The following CARMIL1 variants were observed in gnomAD, a reference collection of about 807,000 sequenced individuals.
CARMIL1 encodes capping protein regulator and myosin 1 linker 1, also known as F-actin-uncapping protein LRRC16A.
CARMIL1 carries 90 observed loss-of-function variants against 177.1 expected under a neutral mutation model. The observed-to-expected ratio is 0.51, with a 90% CI of 0.43 to 0.61. The LOEUF (loss-of-function observed/expected upper bound fraction) is 0.61, where lower values mean the gene tolerates loss of function less well. Ranked by LOEUF, CARMIL1 falls within the 20% of genes least tolerant of loss-of-function variation. The pLI, the probability that CARMIL1 is intolerant of heterozygous loss-of-function variation, is 0.00. For synonymous variants in CARMIL1, 577 were observed against 606.2 expected, an observed-to-expected ratio of 0.95 and a Z score of 0.71; for missense variants, 1,380 against 1,667.0, an observed-to-expected ratio of 0.83 and a Z score of 3.00.
At chr6:25,304,962 T>C (rs529348400) in intron 2 of CARMIL1, among the ~76,000 whole-genome samples, 1 of 152,318 alleles carries the variant, frequency 6.6e-6, no homozygotes, top group South Asian at 2.1e-4. Context: ...TAAAATCCAA[T>C]TAGGAGGTCT....
chr6:25,296,436 C>T (rs2150157330), intron 2 of CARMIL1, among the ~76,000 whole-genome samples: 1 of 152,282 alleles, frequency 6.6e-6, no homozygotes, highest in Non-Finnish European at 1.5e-5. Context: ...TCTTTCAAGC[C>T]TGGCAGATAG....
At chr6:25,462,816 G>T (rs1800239909) in intron 8 of CARMIL1, among the ~76,000 whole-genome samples, 1 of 152,148 alleles carries the variant, frequency 6.6e-6, no homozygotes, top group African/African-American at 2.4e-5. Context: ...TTGAGAAGGG[G>T]TTTTTCTTTA....
At chr6:25,448,573 G>A (rs920692086) in intron 5 of CARMIL1, among the ~76,000 whole-genome samples, 3 of 151,978 alleles carry the variant, frequency 2.0e-5, no homozygotes, top group South Asian at 2.1e-4. Context: ...AACTCCCTAC[G>A]TCCCACCTCT....
At chr6:25,565,760 G>C (rs865924264) in intron 29 of CARMIL1, among the ~76,000 whole-genome samples, 2 of 152,262 alleles carry the variant, frequency 1.3e-5, no homozygotes, top group South Asian at 4.1e-4. Context: ...CAGGAGAATT[G>C]CTTGAACCCA....
intron 2 of CARMIL1, among the ~76,000 whole-genome samples, chr6:25,310,152 T>A (rs182128595): frequency 1.3e-5 from 2 of 152,214 alleles, no homozygotes; most frequent in East Asian, 3.8e-4. Flanking sequence ...CTTATGAGCG[T>A]GCATACAAGT....
intron 27 of CARMIL1, among the ~76,000 whole-genome samples, chr6:25,553,256 CATATATCCATTAAG>C (rs1810294683): frequency 6.6e-6 from 1 of 152,120 alleles, no homozygotes; most frequent in East Asian, 1.9e-4. Flanking sequence ...TACATTTGTA[CATATATCCATTAAG>C]ATATTCAGAC....
chr6:25,594,437 C>T lies in CARMIL1; in HGVS notation c.3029C>T (p.Ser1010Leu), dbSNP rs533068838. The T allele has an allele frequency of 4.3e-6, 7 of 1,612,714 alleles. No homozygotes were observed. The African/African-American group carries it at 9.3e-5, about 22-fold the overall frequency. The change falls in exon 32 of 37, where the codon TCA becomes TTA. Residue 1010 changes from serine to leucine, a missense_variant. By Grantham distance (145) the Ser-to-Leu change is moderately radical (BLOSUM62 -2). Coordinates refer to ENST00000329474, the MANE Select transcript of CARMIL1 (RefSeq NM_017640.6). ...QAAVCAANIV[S>L]QDGEQNGLMG... ...CAGGTCTGTGCTGCCAACATAGTCT[C>T]ACAAGATGGTGAACAGAATGGTCTC...
At position 25,620,127 on chromosome 6, in the gene CARMIL1, T is replaced by C. The variant is rs1759627002; in HGVS notation, c.*544T>C. ...ACTAATAATTTGTATAGATTATATATATTAGATCTTGGGTATGGTTTTTAC... is the reference window on the plus strand; with the variant it reads ...ACTAATAATTTGTATAGATTATATACATTAGATCTTGGGTATGGTTTTTAC... On this transcript the variant is annotated 3_prime_UTR_variant, in exon 37 of 37. Coordinates refer to ENST00000329474, the MANE Select transcript of CARMIL1 (RefSeq NM_017640.6). 6.6e-6 allele frequency: 1 copy of C among 152,670 alleles called. No homozygotes were observed. The allele number at this position is 152,670 out of a possible 1,614,324, so 9.5% of individuals were successfully genotyped here. A position where few individuals can be genotyped will look rare whatever the true frequency, so the allele number is the denominator to read the frequency against.
chr6:25,423,473 A>G (rs1796030917), intron 3 of CARMIL1, among the ~76,000 whole-genome samples: 1 of 152,216 alleles, frequency 6.6e-6, no homozygotes, highest in Non-Finnish European at 1.5e-5. Context: ...TATACTGGCC[A>G]AAAGGCTTAG....
At chr6:25,562,476 T>C (rs1811211259) in intron 29 of CARMIL1, among the ~76,000 whole-genome samples, 1 of 152,082 alleles carries the variant, frequency 6.6e-6, no homozygotes, top group African/African-American at 2.4e-5. Context: ...CTTGAACTCC[T>C]GACCTCATGA....
rs1445097554 is a variant in CARMIL1, at chr6:25,426,426, T to C, written c.190-75T>C. ...CTAGTTGTAGGATTTTTTTTTTTTT[T>C]TTTACCTTAAGTTATATGTTTTTTT... On this transcript the variant is annotated intron_variant, in intron 3 of 36. Coordinates refer to ENST00000329474, the MANE Select transcript of CARMIL1 (RefSeq NM_017640.6). 3 of 1,147,680 alleles carry C rather than the reference T, an allele frequency of 2.6e-6. No individual in the cohort carries two copies. The East Asian group carries it at 7.4e-5, about 28-fold the overall frequency. The allele number at this position is 1,147,680 out of a possible 1,614,324, so 71.1% of individuals were successfully genotyped here. A position where few individuals can be genotyped will look rare whatever the true frequency, so the allele number is the denominator to read the frequency against.
intron 28 of CARMIL1, among the ~76,000 whole-genome samples, chr6:25,556,472 C>G (rs1483915251): frequency 6.6e-6 from 1 of 152,102 alleles, no homozygotes; most frequent in African/African-American, 2.4e-5. Context: ...TATGTTGTCT[C>G]TTCATTTACT....
intron 2 of CARMIL1, among the ~76,000 whole-genome samples, chr6:25,365,724 CT>C (rs1189474400): frequency 6.6e-6 from 1 of 152,008 alleles, no homozygotes; most frequent in Non-Finnish European, 1.5e-5. Flanking sequence ...GGCTCATTTT[CT>C]TTTTTAGTAG....
intron 4 of CARMIL1, among the ~76,000 whole-genome samples, chr6:25,429,984 T>C (rs1796605862): frequency 6.6e-6 from 1 of 151,920 alleles, no homozygotes; most frequent in Non-Finnish European, 1.5e-5. Context: ...TAGCTGGGAC[T>C]ACAAGCACGC....
chr6:25,280,271 C>G (rs1345417322), intron 1 of CARMIL1, among the ~76,000 whole-genome samples: 1 of 152,148 alleles, frequency 6.6e-6, no homozygotes, highest in Non-Finnish European at 1.5e-5. Context: ...GGCGAGCGCA[C>G]AGTAGGTCGT....
At chr6:25,532,296 T>C (rs1807845095) in intron 24 of CARMIL1, among the ~76,000 whole-genome samples, 1 of 152,024 alleles carries the variant, frequency 6.6e-6, no homozygotes, top group African/African-American at 2.4e-5. Context: ...AAAAAAAAAA[T>C]TACAGCAGCA....
chr6:25,432,819 G>GT (rs1796918905), intron 4 of CARMIL1: 1 of 152,138 alleles, frequency 6.6e-6, no homozygotes, highest in Non-Finnish European at 1.5e-5. Context: ...TGCCCTTGAA[G>GT]TTTAGTCAGG....
chr6:25,517,655 C>T (rs761732660), intron 22 of CARMIL1, among the ~76,000 whole-genome samples: 2 of 152,136 alleles, frequency 1.3e-5, no homozygotes, highest in Non-Finnish European at 2.9e-5. Context: ...ACCACACTGT[C>T]GTGAGAATTA....
chr6:25,578,075 A>C (rs1270526803), intron 29 of CARMIL1, among the ~76,000 whole-genome samples: 1 of 152,200 alleles, frequency 6.6e-6, no homozygotes, highest in African/African-American at 2.4e-5. Context: ...TCAAGTTGAC[A>C]GTGTTAACCA....
Sources: allele counts gnomAD v4.1 joint callset (sites outside exome capture counted in the v4.1 genomes callset), GRCh38; gene constraint gnomAD v4.1.1; transcripts MANE v1.5; gene names NCBI Gene and HGNC (gene_info 2026-07-23, HGNC 2026-07-21).